Variants in MXD4 observed in about 807,000 individuals in gnomAD.
MXD4 encodes the protein MAX dimerization protein 4, also known as Mad4 homolog.
In MXD4, 16 loss-of-function variants were observed where a neutral mutation model predicts 24.5. That is an observed-to-expected ratio of 0.65 (90% CI 0.44 to 0.99). The LOEUF (loss-of-function observed/expected upper bound fraction) is 0.99. Ranked by LOEUF, MXD4 falls within the 50% of genes least tolerant of loss-of-function variation. The probability of loss-of-function intolerance (pLI) is 0.00; values close to 1 mark genes in which losing one functional copy is unlikely to be tolerated. For missense variants in MXD4, 301 were observed against 301.5 expected, an observed-to-expected ratio of 1.00 and a Z score of 0.01; for synonymous variants, 164 against 134.2, an observed-to-expected ratio of 1.22 and a Z score of -1.54.
chr4:2,258,406 G>T (rs779278735), intron 2 of MXD4, among the ~76,000 whole-genome samples: 3 of 152,076 alleles, frequency 2.0e-5, no homozygotes, highest in Non-Finnish European at 4.4e-5. Flanking sequence ...TGGTGAATCT[G>T]GCTGACAGGA....
rs1735407940 is a variant in MXD4 at position 2,255,515 on chromosome 4, G to C, written c.194+2467C>G. 2.0e-5 allele frequency among the ~76,000 whole-genome samples: 3 copies of C among 152,160 alleles called. No individual in the cohort carries two copies. The South Asian group carries it at 6.2e-4, about 32-fold the overall frequency. On this transcript the variant is annotated intron_variant, in intron 3 of 5. Transcript: ENST00000337190. ...CCTGGAGCCAACTCTACAGTGGCTGGTTGCGGGACCCCAGGAAGATCCCCA... is the reference window on the plus strand; with the variant it reads ...CCTGGAGCCAACTCTACAGTGGCTGCTTGCGGGACCCCAGGAAGATCCCCA...
chr4:2,259,041 G>T, intron 2 of MXD4: 1 of 444,796 alleles, frequency 2.2e-6, no homozygotes, highest in Non-Finnish European at 4.5e-6. Flanking sequence ...AGGGCTCCCG[G>T]GCCTCCCAGG....
chr4:2,248,047 T>C lies in MXD4; in HGVS notation c.*2497A>G, dbSNP rs1735232934. 2 of 152,362 alleles carry C rather than the reference T, an allele frequency of 1.3e-5. No individual in the cohort carries two copies. The highest frequency in any genetic ancestry group is 1.3e-4 in the Admixed American group (2 of 15,290). 9.4% of individuals were successfully genotyped at this position (152,362 alleles called of 1,614,324 possible). ...GGAGCCCCGGGCTCTGTTCTGCTTCTGTCTGCTCTCTATAGACACGGTGAT... is the reference window on the plus strand; with the variant it reads ...GGAGCCCCGGGCTCTGTTCTGCTTCCGTCTGCTCTCTATAGACACGGTGAT... On this transcript the variant is annotated 3_prime_UTR_variant, in exon 6 of 6. Coordinates refer to ENST00000337190, the MANE Select transcript of MXD4 (RefSeq NM_006454.3).
chr4:2,252,602 C>T, intron 3 of MXD4, 80 bp from the exon 4 acceptor site: 3 of 884,176 alleles, frequency 3.4e-6, no homozygotes, highest in South Asian at 3.1e-5. Flanking sequence ...CACAGACCCA[C>T]CCCCACCATC....
chr4:2,252,335 G>T, intron 4 of MXD4, 73 bp downstream of exon 4: 2 of 1,254,446 alleles, frequency 1.6e-6, no homozygotes, highest in South Asian at 2.4e-5. Context: ...GGTCACCTGT[G>T]AGCACCCCCC....
chr4:2,257,696 T>C (rs1203272564), intron 3 of MXD4, among the ~76,000 whole-genome samples: 1 of 152,228 alleles, frequency 6.6e-6, no homozygotes, highest in Non-Finnish European at 1.5e-5. Context: ...CCAAGGGCCC[T>C]GACTGTCACA....
In MXD4 at chr4:2,250,512, G is replaced by A. The variant is rs757314346; in HGVS notation, c.*32C>T. The A allele has an allele frequency of 1.3e-5, 20 of 1,525,362 alleles. 1 individual carries two copies. In the East Asian group the frequency reaches 4.6e-4, roughly 35 times the overall value. 94.5% of individuals were successfully genotyped at this position (1,525,362 alleles called of 1,614,324 possible). A position where few individuals can be genotyped will look rare whatever the true frequency, so the allele number is the denominator to read the frequency against. On this transcript the variant is annotated 3_prime_UTR_variant, in exon 6 of 6. Transcript: ENST00000337190. Reference sequence around the variant, plus strand: ...GGAGGGCTGACACGCGTGGCTGGCGGGCAGGCAGGCCAAGGAGCAGAGGGC... The same window carrying A: ...GGAGGGCTGACACGCGTGGCTGGCGAGCAGGCAGGCCAAGGAGCAGAGGGC...
Position 2,261,940 on chromosome 4 carries a change from T to G in MXD4, c.41A>C (p.Glu14Ala), listed in dbSNP as rs766993998. 2.1e-6 allele frequency: 3 copies of G among 1,457,784 alleles called. No individual in the cohort carries two copies. Among genetic ancestry groups the G allele is most frequent in the Non-Finnish European group, 2.7e-6 (3 of 1,102,550 alleles). 90.3% of individuals were successfully genotyped at this position (1,457,784 alleles called of 1,614,324 possible). ...NSLLILLEAA[E>A]YLERRDREAE... ...ACCTCGATCCCTGCGCTCCAGGTACTCGGCCGCCTCCAGCAGGATCAGCAG... is the reference window on the plus strand; with the variant it reads ...ACCTCGATCCCTGCGCTCCAGGTACGCGGCCGCCTCCAGCAGGATCAGCAG... Residue 14 changes from glutamate (E) to alanine (A), a missense_variant, in exon 1 of 6, where the codon GAG becomes GCG. Physicochemically the swap from Glu to Ala is moderately radical, Grantham distance 107. Coordinates refer to ENST00000337190, the MANE Select transcript of MXD4 (RefSeq NM_006454.3).
chr4:2,256,160 G>T (rs1735424199), intron 3 of MXD4, among the ~76,000 whole-genome samples: 1 of 152,210 alleles, frequency 6.6e-6, no homozygotes, highest in Non-Finnish European at 1.5e-5. Context: ...AGGAAAGAAG[G>T]CTGGGACCTT....
At chr4:2,261,344 G>A (rs979090143) in intron 2 of MXD4, among the ~76,000 whole-genome samples, 2 of 152,192 alleles carry the variant, frequency 1.3e-5, no homozygotes, top group Non-Finnish European at 2.9e-5. Flanking sequence ...CGCAGACCCT[G>A]GCTGAGCCTG....
At position 2,260,265 on chromosome 4, in the gene MXD4, G is replaced by A. The variant is rs144076973; in HGVS notation, c.164+1460C>T. Among the ~76,000 whole-genome samples, 223 of 152,360 alleles carry A rather than the reference G, an allele frequency of 1.5e-3. 2 individuals are homozygous for A. Among genetic ancestry groups the A allele is most frequent in the African/African-American group, 5.1e-3 (211 of 41,586 alleles). ...GTGGACAGCTGGGACCCCATCTCAGGAACAGGCGTCATCAGAGATGGGTGA... is the reference window on the plus strand; with the variant it reads ...GTGGACAGCTGGGACCCCATCTCAGAAACAGGCGTCATCAGAGATGGGTGA... On this transcript the variant is annotated intron_variant, in intron 2 of 5. Transcript: ENST00000337190.
At position 2,247,544 on chromosome 4, in the gene MXD4, CGGCACCAGGCCCTCGTGT is replaced by C. The variant is rs1359304882; in HGVS notation, c.*2982_*2999del. 1 of 152,410 alleles carries C rather than the reference CGGCACCAGGCCCTCGTGT, an allele frequency of 6.6e-6. No individual in the cohort carries two copies. The highest frequency in any genetic ancestry group is 2.4e-5 in the African/African-American group (1 of 41,460). 9.4% of individuals were successfully genotyped at this position (152,410 alleles called of 1,614,324 possible). ...CCCCTCTAGCGCACGCCCCCCTCAC[CGGCACCAGGCCCTCGTGT>C]GGCCCCCGACTCTGGCACGGAACCT... is the stretch of plus-strand genomic sequence containing the variant. On this transcript the variant is annotated 3_prime_UTR_variant, in exon 6 of 6. Coordinates refer to ENST00000337190, the MANE Select transcript of MXD4 (RefSeq NM_006454.3).
At chr4:2,257,558 G>A (rs551336816) in intron 3 of MXD4, among the ~76,000 whole-genome samples, 69 of 152,346 alleles carry the variant, frequency 4.5e-4, no homozygotes, top group African/African-American at 1.6e-3. Flanking sequence ...CTTCCCAGGC[G>A]GCCAGGGACT....
chr4:2,257,923 C>A, intron 3 of MXD4, 59 bp downstream of exon 3: 1 of 1,608,018 alleles, frequency 6.2e-7, no homozygotes, highest in Non-Finnish European at 8.5e-7. Flanking sequence ...CACCACACAC[C>A]CTCAGTAAAA....
intron 4 of MXD4, 121 bp downstream of exon 4, chr4:2,252,287 C>A: frequency 1.3e-6 from 1 of 780,176 alleles, no homozygotes; most frequent in Non-Finnish European, 2.1e-6. Flanking sequence ...GATGGCTCCC[C>A]ACCCATCTTC....
In MXD4 at chr4:2,250,243, T is replaced by C. The variant is rs1280466410; in HGVS notation, c.*301A>G. ...TGCCGAGGTTTGCAGCAATGACGTTTAATACTTCTGGAATGATTAGGAATC... is the reference window on the plus strand; with the variant it reads ...TGCCGAGGTTTGCAGCAATGACGTTCAATACTTCTGGAATGATTAGGAATC... On this transcript the variant is annotated 3_prime_UTR_variant, in exon 6 of 6. Coordinates refer to ENST00000337190, the MANE Select transcript of MXD4 (RefSeq NM_006454.3). 2.3e-6 allele frequency: 1 copy of C among 435,348 alleles called. No individual in the cohort carries two copies. Among genetic ancestry groups the C allele is most frequent in the African/African-American group, 2.0e-5 (1 of 49,934 alleles). The allele number at this position is 435,348 out of a possible 1,614,324, so 27.0% of individuals were successfully genotyped here.
At chr4:2,255,813 C>T (rs1241562541) in intron 3 of MXD4, among the ~76,000 whole-genome samples, 1 of 152,214 alleles carries the variant, frequency 6.6e-6, no homozygotes, top group African/African-American at 2.4e-5. Context: ...CCAAAAACCC[C>T]CATGCCCAGA....
chr4:2,257,833 TC>T, intron 3 of MXD4, 148 bp downstream of exon 3: 1 of 1,049,902 alleles, frequency 9.5e-7, no homozygotes, highest in Non-Finnish European at 1.4e-6. Flanking sequence ...AGCCTTCTCC[TC>T]CAAGTCTGAC....
In MXD4 at chr4:2,261,816, G is replaced by A; in HGVS notation, c.73C>T (p.His25Tyr). 1 of 1,393,678 alleles carries A rather than the reference G, an allele frequency of 7.2e-7. No homozygotes were observed. 86.3% of individuals were successfully genotyped at this position (1,393,678 alleles called of 1,614,324 possible). A position where few individuals can be genotyped will look rare whatever the true frequency, so the allele number is the denominator to read the frequency against. Residue 25 changes from histidine (H) to tyrosine (Y), a missense_variant, in exon 2 of 6, where the codon CAC (histidine) becomes TAC (tyrosine). By Grantham distance (83) the His-to-Tyr change is moderately conservative. Transcript: ENST00000337190. ...YLERRDREAE[H>Y]GYASVLPFDG... The stretch of plus-strand genomic sequence containing the variant: ...AAGGGCAGCACCGAGGCGTAGCCGT[G>A]CTCGGCCTCTGCGGACACACGGCGC...
Sources: gnomAD v4.1 joint callset for allele counts (sites outside exome capture counted in the v4.1 genomes callset) on GRCh38, gnomAD v4.1.1 for gene constraint, MANE v1.5 for transcripts, NCBI Gene and HGNC (gene_info 2026-07-23, HGNC 2026-07-21) for gene names.